Variants in TDRD7 observed in about 807,000 individuals in gnomAD.
TDRD7 encodes the protein tudor domain-containing protein 7.
Under a neutral mutation model 109.8 loss-of-function variants are expected in TDRD7, and 47 were observed. That is an observed-to-expected ratio of 0.43 (90% CI 0.34 to 0.55). The LOEUF is 0.55. TDRD7 is among the 20% of genes least tolerant of loss of function. The pLI is 0.03. For synonymous variants in TDRD7, 424 were observed against 457.3 expected (o/e 0.93, Z 0.93); for missense variants, 1,164 against 1,319.2 (o/e 0.88, Z 1.82).
chr9:97,448,208 C>G (rs1343689872), intron 6 of TDRD7, among the ~76,000 whole-genome samples: 2 of 152,190 alleles, frequency 1.3e-5, no homozygotes, highest in African/African-American at 4.8e-5. Flanking sequence ...TTCTGAATAT[C>G]TTGGGCTTAT....
At chr9:97,494,037 C>T (rs1274368087) in intron 16 of TDRD7, among the ~76,000 whole-genome samples, 1 of 152,162 alleles carries the variant, frequency 6.6e-6, no homozygotes, top group Non-Finnish European at 1.5e-5. Flanking sequence ...TGACATACAT[C>T]CTCCTCATCT....
Position 97,483,227 on chromosome 9 carries a change from C to A in TDRD7, c.2791C>A (p.Pro931Thr), listed in dbSNP as rs146083361. 1.1e-5 allele frequency: 17 copies of A among 1,613,350 alleles called. No homozygotes were observed. Among genetic ancestry groups the A allele is most frequent in the Non-Finnish European group, 1.4e-5 (17 of 1,179,488 alleles). The change falls in exon 15 of 17, where the codon CCT (proline) becomes ACT (threonine). Residue 931 changes from proline to threonine, a missense_variant. Physicochemically the swap from Pro to Thr is conservative, Grantham distance 38 (BLOSUM62 -1). Coordinates refer to ENST00000355295, the MANE Select transcript of TDRD7 (RefSeq NM_014290.3). ...TCACCCAGGCTACTTCGTCATCCAGCCTTGGCAGGAGATACATAAGTTGGA... is the reference window on the plus strand; with the variant it reads ...TCACCCAGGCTACTTCGTCATCCAGACTTGGCAGGAGATACATAAGTTGGA... Reference protein sequence around the residue: ...ACHPGYFVIQPWQEIHKLEVL... With the variant: ...ACHPGYFVIQTWQEIHKLEVL...
chr9:97,446,360 C>T (rs1049243863), intron 6 of TDRD7, among the ~76,000 whole-genome samples: 2 of 152,148 alleles, frequency 1.3e-5, no homozygotes, highest in Non-Finnish European at 2.9e-5. Context: ...GGTAGGCAAC[C>T]AGCAGGTAGC....
chr9:97,468,646 T>A (rs1828859233), intron 8 of TDRD7, among the ~76,000 whole-genome samples: 1 of 152,254 alleles, frequency 6.6e-6, no homozygotes, highest in Admixed American at 6.5e-5. Context: ...TTGCTTTCCC[T>A]GTCAGATCCT....
intron 15 of TDRD7, among the ~76,000 whole-genome samples, chr9:97,485,587 G>A (rs942046410): frequency 4.6e-5 from 7 of 152,150 alleles, no homozygotes; most frequent in African/African-American, 4.8e-5. Context: ...AACCTACACC[G>A]AAAGTGTTTC....
At chr9:97,447,526 A>C (rs1274298672) in intron 6 of TDRD7, among the ~76,000 whole-genome samples, 1 of 152,238 alleles carries the variant, frequency 6.6e-6, no homozygotes, top group East Asian at 1.9e-4. Flanking sequence ...AAGCTCTACA[A>C]GGAAACTGAA....
intron 15 of TDRD7, among the ~76,000 whole-genome samples, chr9:97,484,059 G>A (rs754824360): frequency 7.2e-5 from 11 of 151,930 alleles, no homozygotes; most frequent in African/African-American, 2.4e-5. Flanking sequence ...TTTATTTACG[G>A]GATAGATTCC....
chr9:97,428,894 A>G (rs1828053212), intron 2 of TDRD7, among the ~76,000 whole-genome samples: 1 of 152,236 alleles, frequency 6.6e-6, no homozygotes, highest in Non-Finnish European at 1.5e-5. Context: ...GATTTTAACC[A>G]CACAAAATTA....
At chr9:97,452,521 A>G (rs1480031879) in intron 6 of TDRD7, among the ~76,000 whole-genome samples, 1 of 152,230 alleles carries the variant, frequency 6.6e-6, no homozygotes, top group Admixed American at 6.5e-5. Context: ...AATTCAAGGA[A>G]CTGGTCATTA....
intron 4 of TDRD7, among the ~76,000 whole-genome samples, chr9:97,437,919 G>A (rs933351501): frequency 1.3e-5 from 2 of 152,124 alleles, no homozygotes; most frequent in Non-Finnish European, 2.9e-5. Context: ...CATCCTAGCA[G>A]TTTTCTTTGA....
chr9:97,439,736 A>C (rs911596368), intron 5 of TDRD7, among the ~76,000 whole-genome samples: 15 of 152,214 alleles, frequency 9.9e-5, no homozygotes, highest in Admixed American at 2.6e-4. Context: ...CCACCACTTA[A>C]AAGCTAGCAC....
chr9:97,416,392 A>T (rs556862187), intron 1 of TDRD7, among the ~76,000 whole-genome samples: 1 of 152,236 alleles, frequency 6.6e-6, no homozygotes, highest in Non-Finnish European at 1.5e-5. Flanking sequence ...TCAATTAAAC[A>T]TATAACTACC....
chr9:97,458,531 A>G (rs550497184), intron 6 of TDRD7, among the ~76,000 whole-genome samples: 41 of 152,202 alleles, frequency 2.7e-4, no homozygotes, highest in Non-Finnish European at 4.6e-4. Context: ...AATGAGGGAC[A>G]TAAACTGCGC....
chr9:97,472,240 C>A, intron 9 of TDRD7, 53 bp from the exon 10 acceptor site: 1 of 1,501,196 alleles, frequency 6.7e-7, no homozygotes, highest in Non-Finnish European at 9.3e-7. Flanking sequence ...ATCTATTCAT[C>A]TTGAAATGAT....
At chr9:97,475,570 C>G (rs547984664) in intron 12 of TDRD7, 101 bp downstream of exon 12, 56 of 837,140 alleles carry the variant, frequency 6.7e-5, no homozygotes, top group Non-Finnish European at 1.0e-4. Context: ...CTCACAGACT[C>G]ATCATCAGTT....
intron 6 of TDRD7, among the ~76,000 whole-genome samples, chr9:97,452,524 G>A (rs989766801): frequency 7.9e-5 from 12 of 152,134 alleles, no homozygotes; most frequent in Non-Finnish European, 1.8e-4. Context: ...TCAAGGAACT[G>A]GTCATTAGAG....
intron 16 of TDRD7, 26 bp downstream of exon 16, chr9:97,487,358 T>C (rs1378844646): frequency 4.3e-6 from 7 of 1,613,660 alleles, no homozygotes; most frequent in Non-Finnish European, 4.2e-6. Flanking sequence ...TCTGAACTCA[T>C]GCTACAACAA....
intron 16 of TDRD7, among the ~76,000 whole-genome samples, chr9:97,488,681 G>A (rs1210020568): frequency 6.6e-6 from 1 of 151,822 alleles, no homozygotes; most frequent in Non-Finnish European, 1.5e-5. Flanking sequence ...TGAGTGCATG[G>A]TACCATCATC....
chr9:97,470,302 C>T (rs1327890814), intron 8 of TDRD7, among the ~76,000 whole-genome samples: 1 of 152,156 alleles, frequency 6.6e-6, no homozygotes, highest in East Asian at 1.9e-4. Context: ...CAGGGCTGAG[C>T]AGTCTTGTTC....
Sources: allele counts gnomAD v4.1 joint callset (sites outside exome capture counted in the v4.1 genomes callset), GRCh38; gene constraint gnomAD v4.1.1; transcripts MANE v1.5; gene names NCBI Gene and HGNC (gene_info 2026-07-23, HGNC 2026-07-21).